Variants in BIN2 observed in about 807,000 individuals in gnomAD.
BIN2 encodes the protein bridging integrator 2.
In BIN2, 43 loss-of-function variants were observed where a neutral mutation model predicts 67.9. That is an observed-to-expected ratio of 0.63 (90% confidence interval 0.50 to 0.82). BIN2 has a LOEUF of 0.82. Ranked by LOEUF, BIN2 falls within the 40% of genes least tolerant of loss-of-function variation. BIN2 has a pLI of 0.00. For missense variants in BIN2, 581 were observed against 671.6 expected, an observed-to-expected ratio of 0.87 and a Z score of 1.49; for synonymous variants, 244 against 246.8, an observed-to-expected ratio of 0.99 and a Z score of 0.11.
chr12:51,294,937 T>C (rs1945495243), intron 9 of BIN2, among the ~76,000 whole-genome samples: 1 of 152,110 alleles, frequency 6.6e-6, no homozygotes, highest in Admixed American at 6.6e-5. Context: ...ATTTAATTTT[T>C]ATTAATTTTT....
At chr12:51,315,214 G>A (rs1946092069) in intron 1 of BIN2, among the ~76,000 whole-genome samples, 1 of 151,686 alleles carries the variant, frequency 6.6e-6, no homozygotes, top group African/African-American at 2.4e-5. Flanking sequence ...CTGTCGCCCA[G>A]GCTGGAGTGC....
chr12:51,292,379 A>G (rs760471168), intron 9 of BIN2, 35 bp from the exon 10 acceptor site: 4 of 1,519,204 alleles, frequency 2.6e-6, no homozygotes, highest in South Asian at 1.3e-5. Context: ...CAGAACGGCT[A>G]AAAACCAGAA....
intron 7 of BIN2, 67 bp downstream of exon 7, chr12:51,299,136 T>C: frequency 8.6e-7 from 1 of 1,156,274 alleles, no homozygotes; most frequent in Non-Finnish European, 1.3e-6. Flanking sequence ...TTTTATCTAC[T>C]TACTGTCAAG....
intron 11 of BIN2, among the ~76,000 whole-genome samples, chr12:51,285,101 C>G (rs995895924): frequency 6.6e-6 from 1 of 152,114 alleles, no homozygotes; most frequent in East Asian, 1.9e-4. Flanking sequence ...GGATGTGTAT[C>G]TATAAGGGAG....
At chr12:51,290,964 C>G (rs901439136) in intron 10 of BIN2, among the ~76,000 whole-genome samples, 1 of 117,148 alleles carries the variant, frequency 8.5e-6, no homozygotes. Context: ...AAAAAATAAA[C>G]ATGGAGAAAC....
At chr12:51,295,615 T>G (rs1326017417) in intron 9 of BIN2, among the ~76,000 whole-genome samples, 181 bp downstream of exon 9, 5,727 of 55,412 alleles carry the variant, frequency 0.1, 1,289 homozygotes, top group East Asian at 0.56. Context: ...TATATATATA[T>G]ATATATATAT....
At chr12:51,316,522 T>C (rs2137438975) in intron 1 of BIN2, among the ~76,000 whole-genome samples, 1 of 151,998 alleles carries the variant, frequency 6.6e-6, no homozygotes, top group East Asian at 1.9e-4. Flanking sequence ...AAGTCCAATA[T>C]GTATCTTTAA....
upstream of BIN2, chr12:51,324,508 C>T: frequency 1.3e-6 from 2 of 1,531,170 alleles, no homozygotes; most frequent in Non-Finnish European, 1.7e-6. Flanking sequence ...AGCGAGAGGA[C>T]CTACCATATC....
In BIN2 at chr12:51,291,992, C is replaced by G. The variant is rs375136926; in HGVS notation, c.1114G>C (p.Gly372Arg). 1 of 1,614,164 alleles carries G rather than the reference C, an allele frequency of 6.2e-7. No individual in the cohort carries two copies. Reference sequence around the variant, plus strand: ...GGCTGCCCTGAAGGGCTCAGGGCTCCGCCTGGTGATGGAGTTGTGGAGCTG... The same window carrying G: ...GGCTGCCCTGAAGGGCTCAGGGCTCGGCCTGGTGATGGAGTTGTGGAGCTG... ...LPSSTTPSPG[G>R]ALSPSGQPSS... Residue 372 changes from glycine to arginine, a missense_variant, in exon 10 of 13, where the codon GGA becomes CGA. Physicochemically the swap from Gly to Arg is moderately radical, Grantham distance 125 (BLOSUM62 -2). Transcript: ENST00000615107.
chr12:51,321,566 A>C (rs1345223981), intron 1 of BIN2, among the ~76,000 whole-genome samples: 1 of 151,934 alleles, frequency 6.6e-6, no homozygotes. Flanking sequence ...CACCCGGCTG[A>C]TTTTGTATTT....
chr12:51,321,181 G>C (rs1420602372), intron 1 of BIN2, among the ~76,000 whole-genome samples: 1 of 152,262 alleles, frequency 6.6e-6, no homozygotes, highest in Admixed American at 6.5e-5. Context: ...TGTGAGAGTG[G>C]CTTATCAGGA....
In BIN2 at chr12:51,291,945, T is replaced by C. The variant is rs768053983; in HGVS notation, c.1161A>G (p.Val387=). The C allele has an allele frequency of 6.2e-7, 1 of 1,614,204 alleles. No individual in the cohort carries two copies. The highest frequency in any genetic ancestry group is 1.1e-5 in the South Asian group (1 of 91,088). ...SGQPSSSATE[V]VLRTRTASEG... is the part of the protein sequence containing the mutation. ...CACTTGCGGTGCGGGTTCGGAGGAC[T>C]ACTTCTGTGGCAGATGATGAAGGCT... Residue 387 remains valine (V), a synonymous_variant, in exon 10 of 13, where the codon GTA becomes GTG. Coordinates refer to ENST00000615107, the MANE Select transcript of BIN2 (RefSeq NM_016293.4).
At chr12:51,316,055 T>C (rs1946119002) in intron 1 of BIN2, among the ~76,000 whole-genome samples, 1 of 152,102 alleles carries the variant, frequency 6.6e-6, no homozygotes, top group Admixed American at 6.6e-5. Context: ...GAAACCATCT[T>C]ATTCCCCTGG....
At chr12:51,289,574 C>T (rs1421793469) in intron 10 of BIN2, among the ~76,000 whole-genome samples, 2 of 151,976 alleles carry the variant, frequency 1.3e-5, no homozygotes, top group Non-Finnish European at 1.5e-5. Context: ...CATGATCATG[C>T]CATTGCACTC....
chr12:51,295,651 T>C (rs1945546536), intron 9 of BIN2, 145 bp downstream of exon 9: 2 of 274,672 alleles, frequency 7.3e-6, no homozygotes, highest in African/African-American at 2.4e-5. Flanking sequence ...AGCAAAATAA[T>C]TTATATAGGA....
intron 9 of BIN2, among the ~76,000 whole-genome samples, chr12:51,294,436 A>G (rs1052705159): frequency 1.6e-4 from 24 of 151,992 alleles, no homozygotes; most frequent in African/African-American, 5.8e-4. Context: ...GTGTGGTGGC[A>G]TGTGCCTGTA....
intron 3 of BIN2, 35 bp from the exon 4 acceptor site, chr12:51,302,815 TC>T: frequency 1.9e-6 from 3 of 1,545,424 alleles, no homozygotes; most frequent in Non-Finnish European, 2.7e-6. Flanking sequence ...CCATCATGTT[TC>T]CCCAACAGTA....
chr12:51,291,798 G>GC lies in BIN2; in HGVS notation c.1307dup (p.Ser436ArgfsTer14). 1 of 1,613,922 alleles carries GC rather than the reference G, an allele frequency of 6.2e-7. No individual in the cohort carries two copies. Among genetic ancestry groups the GC allele is most frequent in the South Asian group, 1.1e-5 (1 of 91,084 alleles). On this transcript the variant is annotated frameshift_variant, in exon 10 of 13. Coordinates refer to ENST00000615107, the MANE Select transcript of BIN2 (RefSeq NM_016293.4). LOFTEE classifies it high-confidence loss of function. ...GTGAACCCCCTCCAGAGGCTGTAGG[G>GC]CTGGAAGGTATGTTCCCTGAGGAGG...
At chr12:51,298,651 C>T (rs1353710575) in intron 7 of BIN2, among the ~76,000 whole-genome samples, 3 of 152,140 alleles carry the variant, frequency 2.0e-5, no homozygotes, top group East Asian at 1.9e-4. Context: ...AAAAAGGCTC[C>T]ATCCTATGTA....
Sources: gnomAD v4.1 joint callset for allele counts (sites outside exome capture counted in the v4.1 genomes callset) on GRCh38, gnomAD v4.1.1 for gene constraint, MANE v1.5 for transcripts, NCBI Gene and HGNC (gene_info 2026-07-23, HGNC 2026-07-21) for gene names.